Variants in IMMP2L observed in about 807,000 individuals in gnomAD.
IMMP2L encodes inner mitochondrial membrane peptidase subunit 2.
In IMMP2L, 18 loss-of-function variants were observed where a neutral mutation model predicts 19.3. That is an observed-to-expected ratio of 0.93 (90% CI 0.64 to 1.38). The LOEUF (loss-of-function observed/expected upper bound fraction) is 1.38, where lower values mean the gene tolerates loss of function less well. IMMP2L is among the 40% of genes most tolerant of loss of function. IMMP2L has a pLI of 0.00. For synonymous variants in IMMP2L, 76 were observed against 73.0 expected, an observed-to-expected ratio of 1.04 and a Z score of -0.21; for missense variants, 233 against 218.2, an observed-to-expected ratio of 1.07 and a Z score of -0.43.
intron 3 of IMMP2L, among the ~76,000 whole-genome samples, chr7:111,214,384 C>G (rs1374744175): frequency 7.4e-6 from 1 of 135,946 alleles, no homozygotes; most frequent in Non-Finnish European, 1.5e-5. Context: ...ACTCTGTCAC[C>G]CAGGCTGGAG....
chr7:111,150,398 C>T (rs73714677), intron 3 of IMMP2L, among the ~76,000 whole-genome samples: 2,615 of 152,160 alleles, frequency 0.017, 87 homozygotes, highest in African/African-American at 0.06. Context: ...AATGAACTTC[C>T]TGGTATTAAA....
At chr7:111,365,598 A>G (rs1829691263) in intron 3 of IMMP2L, among the ~76,000 whole-genome samples, 2 of 152,154 alleles carry the variant, frequency 1.3e-5, no homozygotes, top group South Asian at 4.1e-4. Flanking sequence ...CCAAAGCTGA[A>G]GGATGAAAAG....
chr7:111,533,136 T>C (rs1847557184), intron 1 of IMMP2L, among the ~76,000 whole-genome samples: 1 of 152,162 alleles, frequency 6.6e-6, no homozygotes, highest in African/African-American at 2.4e-5. Context: ...CAGCTCATCC[T>C]GAGTGGCCTG....
At chr7:111,039,823 T>G (rs962813202) in intron 3 of IMMP2L, among the ~76,000 whole-genome samples, 3 of 152,160 alleles carry the variant, frequency 2.0e-5, no homozygotes, top group African/African-American at 7.2e-5. Flanking sequence ...TGGCTACCAC[T>G]GCATTGCAGC....
chr7:110,730,163 C>T (rs1796163848), intron 5 of IMMP2L, among the ~76,000 whole-genome samples: 1 of 152,076 alleles, frequency 6.6e-6, no homozygotes, highest in Non-Finnish European at 1.5e-5. Context: ...ATTATTGTTC[C>T]TGGGTGCGTC....
intron 3 of IMMP2L, among the ~76,000 whole-genome samples, chr7:111,363,997 G>A (rs1435811944): frequency 6.6e-6 from 1 of 151,546 alleles, no homozygotes; most frequent in Non-Finnish European, 1.5e-5. Context: ...TTTCATGTAA[G>A]ATCCCCCCCC....
At chr7:111,450,871 C>T (rs1479897723) in intron 3 of IMMP2L, among the ~76,000 whole-genome samples, 2 of 150,462 alleles carry the variant, frequency 1.3e-5, no homozygotes, top group South Asian at 2.1e-4. Flanking sequence ...AAGAAAAAAA[C>T]AAACAACCCC....
At chr7:111,467,992 C>G (rs1340247806) in intron 3 of IMMP2L, among the ~76,000 whole-genome samples, 2 of 152,136 alleles carry the variant, frequency 1.3e-5, no homozygotes, top group Non-Finnish European at 2.9e-5. Context: ...AACATCTCAT[C>G]TCATCTCAAA....
At chr7:111,060,165 A>T (rs1218897857) in intron 3 of IMMP2L, among the ~76,000 whole-genome samples, 1 of 152,240 alleles carries the variant, frequency 6.6e-6, no homozygotes, top group Non-Finnish European at 1.5e-5. Flanking sequence ...ATTTGCTATC[A>T]AGATGGGTAT....
chr7:111,266,639 T>C (rs1264012619), intron 3 of IMMP2L, among the ~76,000 whole-genome samples: 2 of 151,920 alleles, frequency 1.3e-5, no homozygotes, highest in Non-Finnish European at 2.9e-5. Flanking sequence ...ATAAAGTGCA[T>C]TTCCCTCATC....
chr7:111,277,998 T>C (rs1482394086), intron 3 of IMMP2L, among the ~76,000 whole-genome samples: 1 of 152,236 alleles, frequency 6.6e-6, no homozygotes, highest in East Asian at 1.9e-4. Context: ...AAATACCACA[T>C]GTTCTCACTT....
At chr7:111,421,267 CTTTTTTTTT>C (rs1227013257) in intron 3 of IMMP2L, among the ~76,000 whole-genome samples, 8 of 122,914 alleles carry the variant, frequency 6.5e-5, no homozygotes, top group Non-Finnish European at 1.0e-4. Flanking sequence ...TTGTTTTTTT[CTTTTTTTTT>C]TTTTTTTTTT....
At chr7:110,849,260 A>G (rs1470331939) in intron 5 of IMMP2L, among the ~76,000 whole-genome samples, 3 of 152,146 alleles carry the variant, frequency 2.0e-5, no homozygotes, top group Admixed American at 2.0e-4. Context: ...CTAATTTTAA[A>G]AAAACTCAGT....
intron 4 of IMMP2L, among the ~76,000 whole-genome samples, chr7:110,905,544 C>T (rs1243181069): frequency 1.3e-5 from 2 of 151,520 alleles, no homozygotes; most frequent in Non-Finnish European, 2.9e-5. Context: ...CAGGTAATAT[C>T]CAAAACTAAA....
intron 3 of IMMP2L, chr7:111,122,841 AG>A: frequency 6.2e-7 from 1 of 1,614,006 alleles, no homozygotes; most frequent in Non-Finnish European, 8.5e-7. Context: ...TACAAGCTGT[AG>A]ATAAAAAAGT....
chr7:111,164,893 T>C (rs1465055589), intron 3 of IMMP2L, among the ~76,000 whole-genome samples: 1 of 152,058 alleles, frequency 6.6e-6, no homozygotes, highest in Non-Finnish European at 1.5e-5. Context: ...TTTCTAATTA[T>C]TTTTTACTGT....
At chr7:110,979,747 T>C (rs1416715632) in intron 3 of IMMP2L, among the ~76,000 whole-genome samples, 2 of 151,738 alleles carry the variant, frequency 1.3e-5, no homozygotes, top group Non-Finnish European at 2.9e-5. Context: ...ACCAACCACT[T>C]GAAAAATGGG....
At chr7:111,201,398 C>T (rs1179815481) in intron 3 of IMMP2L, among the ~76,000 whole-genome samples, 1 of 151,780 alleles carries the variant, frequency 6.6e-6, no homozygotes, top group Non-Finnish European at 1.5e-5. Flanking sequence ...TATGTTGAAA[C>T]CTAATCCCCA....
intron 3 of IMMP2L, among the ~76,000 whole-genome samples, chr7:111,020,724 T>C (rs750685337): frequency 2.0e-5 from 3 of 151,864 alleles, no homozygotes; most frequent in Non-Finnish European, 2.9e-5. Context: ...ATGGCACTAA[T>C]GCACACCAGC....
Sources: allele counts gnomAD v4.1 joint callset (sites outside exome capture counted in the v4.1 genomes callset), GRCh38; gene constraint gnomAD v4.1.1; transcripts MANE v1.5; gene names NCBI Gene and HGNC (gene_info 2026-07-23, HGNC 2026-07-21).